The following DNM3 variants were observed in gnomAD, a reference collection of about 807,000 sequenced individuals.
DNM3 encodes dynamin 3, also known as dynamin-3.
Under a neutral mutation model 101.6 loss-of-function variants are expected in DNM3, and 47 were observed. The ratio of observed to expected loss-of-function variants is 0.46; its 90% CI spans 0.37 to 0.59. The LOEUF is 0.59. Among genes scored for constraint, DNM3 ranks in the 20% least tolerant of loss-of-function variants. The pLI, the probability that DNM3 is intolerant of heterozygous loss-of-function variation, is 0.00. For synonymous variants in DNM3, 385 were observed against 387.9 expected (o/e 0.99, Z 0.09); for missense variants, 849 against 1,085.7 (o/e 0.78, Z 3.06).
At chr1:172,181,117 T>C (rs576758484) in intron 14 of DNM3, among the ~76,000 whole-genome samples, 2 of 152,164 alleles carry the variant, frequency 1.3e-5, no homozygotes, top group East Asian at 1.9e-4. Flanking sequence ...ACTTTTCATA[T>C]AGTAATTTTG....
intron 2 of DNM3, among the ~76,000 whole-genome samples, chr1:171,949,405 C>T (rs2042364194): frequency 6.6e-6 from 1 of 151,886 alleles, no homozygotes; most frequent in Admixed American, 6.6e-5. Context: ...AAACCATAAC[C>T]AGGTATTATT....
intron 1 of DNM3, among the ~76,000 whole-genome samples, chr1:171,881,531 A>G (rs1354805304): frequency 1.3e-5 from 2 of 152,178 alleles, no homozygotes; most frequent in Admixed American, 1.3e-4. Context: ...TTCTCAAATG[A>G]GATCATAGGG....
At chr1:171,890,156 T>C (rs943940312) in intron 1 of DNM3, among the ~76,000 whole-genome samples, 3 of 152,228 alleles carry the variant, frequency 2.0e-5, no homozygotes, top group African/African-American at 4.8e-5. Flanking sequence ...ATCTTGGGTA[T>C]AGTTCTTCAG....
chr1:172,153,453 T>C (rs1428570952), intron 14 of DNM3, among the ~76,000 whole-genome samples: 1 of 152,152 alleles, frequency 6.6e-6, no homozygotes, highest in African/African-American at 2.4e-5. Context: ...TGTGTTAATT[T>C]CCCATACTTC....
intron 14 of DNM3, among the ~76,000 whole-genome samples, chr1:172,203,215 G>A (rs1476014527): frequency 6.6e-6 from 1 of 152,114 alleles, no homozygotes; most frequent in Non-Finnish European, 1.5e-5. Context: ...GTTTAATTGA[G>A]GTACCTCGTG....
chr1:172,253,523 TC>T (rs377128681), intron 14 of DNM3, 49 bp from the exon 15 acceptor site: 22 of 1,227,378 alleles, frequency 1.8e-5, no homozygotes, highest in Non-Finnish European at 2.3e-5. Context: ...TCCTCTCCTC[TC>T]CTCTCCTCTC....
chr1:172,142,846 A>G (rs2057661054), intron 14 of DNM3, among the ~76,000 whole-genome samples: 1 of 151,668 alleles, frequency 6.6e-6, no homozygotes, highest in African/African-American at 2.4e-5. Flanking sequence ...TATTTCTTGA[A>G]AAAATGAGCT....
intron 2 of DNM3, among the ~76,000 whole-genome samples, chr1:171,943,389 C>T (rs1467163470): frequency 6.6e-6 from 1 of 152,092 alleles, no homozygotes; most frequent in Non-Finnish European, 1.5e-5. Flanking sequence ...TTATACCCAC[C>T]TCCGTTTTGG....
intron 17 of DNM3, among the ~76,000 whole-genome samples, chr1:172,335,014 C>G (rs888432315): frequency 1.3e-5 from 2 of 152,064 alleles, no homozygotes; most frequent in Non-Finnish European, 2.9e-5. Flanking sequence ...CAGTAAGGAA[C>G]AGTTAAAATC....
chr1:172,059,263 G>A, intron 10 of DNM3, among the ~76,000 whole-genome samples: 1 of 132,426 alleles, frequency 7.6e-6, no homozygotes. Flanking sequence ...TTCTACCAGA[G>A]GTACAAGGAG....
intron 1 of DNM3, among the ~76,000 whole-genome samples, chr1:171,848,248 G>T (rs114895818): frequency 6.6e-6 from 1 of 151,948 alleles, no homozygotes; most frequent in South Asian, 2.1e-4. Flanking sequence ...TTTCTCTTCC[G>T]TGATACTCTC....
intron 16 of DNM3, among the ~76,000 whole-genome samples, chr1:172,316,361 T>A (rs372109356): frequency 2.4e-4 from 36 of 151,694 alleles, no homozygotes; most frequent in African/African-American, 3.9e-4. Context: ...TAACATCATA[T>A]TGACAGGATC....
At chr1:172,204,252 A>T (rs953045366) in intron 14 of DNM3, among the ~76,000 whole-genome samples, 5 of 151,704 alleles carry the variant, frequency 3.3e-5, no homozygotes, top group African/African-American at 1.2e-4. Flanking sequence ...ATTGTCTTCT[A>T]GAACCTTAAC....
chr1:172,164,960 T>C lies in DNM3; in HGVS notation c.1659+33672T>C, dbSNP rs577931732. 2.6e-5 allele frequency among the ~76,000 whole-genome samples: 4 copies of C among 152,234 alleles called. No individual in the cohort carries two copies. In the South Asian group the frequency reaches 6.2e-4, roughly 24 times the overall value. The stretch of plus-strand genomic sequence containing the variant: ...CAAGCATGCCTCCTGTTTATACTAA[T>C]GGCACATGTAACCCTTTTTGTCCTG... On this transcript the variant is annotated intron_variant, in intron 14 of 20. Coordinates refer to ENST00000627582, the MANE Select transcript of DNM3 (RefSeq NM_015569.5).
intron 15 of DNM3, among the ~76,000 whole-genome samples, chr1:172,300,709 C>A (rs1483037132): frequency 6.6e-6 from 1 of 152,142 alleles, no homozygotes; most frequent in Non-Finnish European, 1.5e-5. Flanking sequence ...CTATAAAAAT[C>A]AGACAGCAAG....
At chr1:172,037,527 T>G (rs1295438659) in intron 6 of DNM3, among the ~76,000 whole-genome samples, 1 of 152,208 alleles carries the variant, frequency 6.6e-6, no homozygotes, top group Non-Finnish European at 1.5e-5. Context: ...AGATTATCTG[T>G]TTTTTCTTTT....
chr1:172,180,358 T>C (rs2148388523), intron 14 of DNM3, among the ~76,000 whole-genome samples: 2 of 152,212 alleles, frequency 1.3e-5, no homozygotes, highest in Middle Eastern at 6.8e-3. Context: ...GGGCTGAGAT[T>C]ATGCACCTCA....
intron 15 of DNM3, among the ~76,000 whole-genome samples, chr1:172,253,996 C>T (rs1297080074): frequency 6.6e-6 from 1 of 151,936 alleles, no homozygotes; most frequent in African/African-American, 2.4e-5. Context: ...GACCGGAATA[C>T]AGTGCTATGA....
At chr1:172,186,799 C>G (rs968074209) in intron 14 of DNM3, among the ~76,000 whole-genome samples, 1 of 152,070 alleles carries the variant, frequency 6.6e-6, no homozygotes, top group South Asian at 2.1e-4. Flanking sequence ...TTAAGAACAT[C>G]GTAGGAGTTA....
Sources: gnomAD v4.1 joint callset for allele counts (sites outside exome capture counted in the v4.1 genomes callset) on GRCh38, gnomAD v4.1.1 for gene constraint, MANE v1.5 for transcripts, NCBI Gene and HGNC (gene_info 2026-07-23, HGNC 2026-07-21) for gene names.